ATP13A3: variants seen among roughly 807,000 people sequenced by gnomAD.
The protein encoded by ATP13A3 is ATPase 13A3.
ATP13A3 carries 59 observed loss-of-function variants against 158.1 expected under a neutral mutation model. That is an observed-to-expected ratio of 0.37 (90% confidence interval 0.30 to 0.46). The LOEUF (loss-of-function observed/expected upper bound fraction) is 0.46, where lower values mean the gene tolerates loss of function less well. ATP13A3 is among the 20% of genes least tolerant of loss of function. ATP13A3 has a pLI of 1.00. For missense variants in ATP13A3, 1,166 were observed against 1,525.2 expected, an observed-to-expected ratio of 0.76 and a Z score of 3.92; for synonymous variants, 491 against 504.3, an observed-to-expected ratio of 0.97 and a Z score of 0.35.
intron 8 of ATP13A3, among the ~76,000 whole-genome samples, chr3:194,454,617 A>C (rs528661223): frequency 8.1e-6 from 1 of 123,114 alleles, no homozygotes; most frequent in Non-Finnish European, 1.8e-5. Context: ...TCATGAGGTC[A>C]GGAGATCAAA....
chr3:194,435,236 A>G (rs1269950390), intron 20 of ATP13A3, among the ~76,000 whole-genome samples: 1 of 152,198 alleles, frequency 6.6e-6, no homozygotes, highest in Non-Finnish European at 1.5e-5. Context: ...GAAACCTGAA[A>G]TTGTATTTCA....
rs772110759 is a variant in ATP13A3 at position 194,438,879 on chromosome 3, T to C, written c.1804A>G (p.Thr602Ala). 8 of 1,601,528 alleles carry C rather than the reference T, an allele frequency of 5.0e-6. No homozygotes were observed. The highest frequency in any genetic ancestry group is 2.6e-6 in the Non-Finnish European group (3 of 1,170,790). The part of the protein sequence containing the change: ...RPPKQLLPES[T>A]PAGNQEMELF... Reference sequence around the variant, plus strand: ...ACCATTTCTTGGTTTCCTGCAGGGGTAGATTCAGGAAGCAGTTGTTTGGGA... The same window carrying C: ...ACCATTTCTTGGTTTCCTGCAGGGGCAGATTCAGGAAGCAGTTGTTTGGGA... The change falls in exon 17 of 34, where the codon ACC becomes GCC. Residue 602 changes from threonine (T) to alanine (A), a missense_variant. This residue lies in a region of ATP13A3 where 997 missense variants were observed against 1,341.2 expected (regional missense o/e 0.74). Transcript: ENST00000645319.
In ATP13A3 at chr3:194,431,943, C is replaced by T. The variant is rs1433272903; in HGVS notation, c.2246-51G>A. 8.5e-6 allele frequency: 12 copies of T among 1,410,036 alleles called. No homozygotes were observed. In the South Asian group the frequency reaches 8.9e-5, roughly 10 times the overall value. The allele number at this position is 1,410,036 out of a possible 1,614,324, so 87.3% of individuals were successfully genotyped here. A position where few individuals can be genotyped will look rare whatever the true frequency, so the allele number is the denominator to read the frequency against. On this transcript the variant is annotated intron_variant, in intron 21 of 33. Transcript: ENST00000645319. ...ATTGAAATTAAAATGGAAACGTGAACGTATCAAACATGTACTTGCTGAGAA... is the reference window on the plus strand; with the variant it reads ...ATTGAAATTAAAATGGAAACGTGAATGTATCAAACATGTACTTGCTGAGAA...
chr3:194,456,328 ATTT>A (rs35825895), intron 7 of ATP13A3, among the ~76,000 whole-genome samples: 2 of 149,568 alleles, frequency 1.3e-5, no homozygotes, highest in East Asian at 2.0e-4. Flanking sequence ...GAGGGATCTT[ATTT>A]TTTTTTTAAT....
At chr3:194,463,169 G>A (rs1030804493) in intron 2 of ATP13A3, among the ~76,000 whole-genome samples, 1 of 152,146 alleles carries the variant, frequency 6.6e-6, no homozygotes, top group Non-Finnish European at 1.5e-5. Context: ...TCCTACTGGA[G>A]AGCACTCAGC....
intron 2 of ATP13A3, among the ~76,000 whole-genome samples, chr3:194,470,568 ACT>A (rs1391781331): frequency 2.0e-5 from 3 of 152,098 alleles, no homozygotes; most frequent in Admixed American, 6.6e-5. Context: ...CGTGCATTTT[ACT>A]CTCTCTTTAT....
At chr3:194,469,183 T>A (rs1044281030) in intron 2 of ATP13A3, among the ~76,000 whole-genome samples, 1 of 149,334 alleles carries the variant, frequency 6.7e-6, no homozygotes, top group East Asian at 2.0e-4. Context: ...CACAGCTGGG[T>A]GCAGTGGCTC....
chr3:194,421,552 C>CAAAAA (rs34760027), intron 30 of ATP13A3, among the ~76,000 whole-genome samples: 1 of 71,882 alleles, frequency 1.4e-5, no homozygotes, highest in Non-Finnish European at 3.0e-5. Flanking sequence ...GACTCCATCT[C>CAAAAA]AAAAAAAAAA....
At position 194,429,720 on chromosome 3, in the gene ATP13A3, C is replaced by T. The variant is rs755637920; in HGVS notation, c.2832G>A (p.Leu944=). 11 of 1,613,836 alleles carry T rather than the reference C, an allele frequency of 6.8e-6. No homozygotes were observed. The highest frequency in any genetic ancestry group is 3.4e-6 in the Non-Finnish European group (4 of 1,179,890). The stretch of plus-strand genomic sequence containing the variant: ...CACTGAAGTACTGGATAATGCTGTA[C>T]AATGCCATGAATTTAAACACACAGA... ...TSFCVFKFMA[L]YSIIQYFSVT... is the part of the protein sequence containing the mutation. The change falls in exon 27 of 34, where the codon TTG becomes TTA. Residue 944 remains leucine, a synonymous_variant. Transcript: ENST00000645319.
At chr3:194,424,180 GTA>G (rs1716592691) in intron 30 of ATP13A3, among the ~76,000 whole-genome samples, 1 of 151,586 alleles carries the variant, frequency 6.6e-6, no homozygotes, top group Non-Finnish European at 1.5e-5. Flanking sequence ...ATAGTTATTA[GTA>G]TGGTTATACA....
rs547939144 is a variant in ATP13A3, at chr3:194,458,356, T to A, written c.479+1115A>T. 8.6e-3 allele frequency among the ~76,000 whole-genome samples: 1,282 copies of A among 149,178 alleles called. 22 individuals are homozygous for A. Among genetic ancestry groups the A allele is most frequent in the African/African-American group, 0.028 (1,152 of 40,582 alleles). On this transcript the variant is annotated intron_variant, in intron 6 of 33. Coordinates refer to ENST00000645319, the MANE Select transcript of ATP13A3 (RefSeq NM_001367549.1). ...GTGCCAAGTCAAAAAAAAAAAAAAA[T>A]TTTTTTTTTAAACAAAATGACAGCC...
chr3:194,460,846 C>T lies in ATP13A3; in HGVS notation c.52-15G>A, dbSNP rs113810105. On this transcript the variant is annotated splice_polypyrimidine_tract_variant and intron_variant, in intron 3 of 33. Transcript: ENST00000645319. Reference sequence around the variant, plus strand: ...CCATAAATCTCCTGCATGGACACAGCGATCACATGATTAATTATCAAATGA... The same window carrying T: ...CCATAAATCTCCTGCATGGACACAGTGATCACATGATTAATTATCAAATGA... 21 of 1,600,738 alleles carry T rather than the reference C, an allele frequency of 1.3e-5. No individual in the cohort carries two copies. The highest frequency in any genetic ancestry group is 1.0e-4 in the Admixed American group (6 of 57,944).
chr3:194,454,093 C>T (rs1032477), intron 9 of ATP13A3, among the ~76,000 whole-genome samples, 165 bp downstream of exon 9: 55 of 152,020 alleles, frequency 3.6e-4, no homozygotes, highest in African/African-American at 1.3e-3. Context: ...AACCTCCCAA[C>T]CAGCAAAACA....
At position 194,447,124 on chromosome 3, in the gene ATP13A3, A is replaced by G. The variant is rs1396661524; in HGVS notation, c.1309-9T>C. On this transcript the variant is annotated splice_polypyrimidine_tract_variant and intron_variant, in intron 13 of 33. Transcript: ENST00000645319. ...ATGACCCCAACTTGTACCTACAATT[A>G]ACACAAAAATAAATGTCAAATCCCC... 3.8e-6 allele frequency: 6 copies of G among 1,590,874 alleles called. No individual in the cohort carries two copies. Among genetic ancestry groups the G allele is most frequent in the Non-Finnish European group, 5.1e-6 (6 of 1,170,224 alleles).
rs759614545 is a variant in ATP13A3, at chr3:194,431,735, T to C, written c.2403A>G (p.Pro801=). 13 of 1,588,370 alleles carry C rather than the reference T, an allele frequency of 8.2e-6. No homozygotes were observed. Among genetic ancestry groups the C allele is most frequent in the Non-Finnish European group, 1.1e-5 (13 of 1,169,246 alleles). ...ACCTTACCTCTGGGTCAATTGCTGA[T>C]GGATGACTGCACTGCGTGAGGGAGT... ...YADSLTQCSH[P]SAIDPEAIPV... The change falls in exon 22 of 34, where the codon CCA becomes CCG. Residue 801 remains proline (P), a synonymous_variant. Coordinates refer to ENST00000645319, the MANE Select transcript of ATP13A3 (RefSeq NM_001367549.1).
intron 2 of ATP13A3, among the ~76,000 whole-genome samples, chr3:194,480,393 G>C (rs1298689796): frequency 6.6e-6 from 1 of 151,974 alleles, no homozygotes; most frequent in Non-Finnish European, 1.5e-5. Flanking sequence ...TTCTTACTGT[G>C]CTATCCCCAG....
chr3:194,477,980 A>G (rs1720598844), intron 2 of ATP13A3, among the ~76,000 whole-genome samples: 1 of 152,202 alleles, frequency 6.6e-6, no homozygotes, highest in South Asian at 2.1e-4. Context: ...CATGTTCACC[A>G]ATGAACTTAA....
chr3:194,429,995 ACT>A, intron 26 of ATP13A3, 75 bp downstream of exon 26: 1 of 1,302,114 alleles, frequency 7.7e-7, no homozygotes, highest in Non-Finnish European at 1.1e-6. Context: ...AATTCATGTT[ACT>A]TTTTATGATA....
chr3:194,409,762 A>G (rs1400989406), intron 33 of ATP13A3, among the ~76,000 whole-genome samples: 1 of 129,586 alleles, frequency 7.7e-6, no homozygotes, highest in Non-Finnish European at 1.5e-5. Flanking sequence ...GCCAACTGTG[A>G]CAACCAAAAA....
Sources: allele counts gnomAD v4.1 joint callset (sites outside exome capture counted in the v4.1 genomes callset), GRCh38; gene constraint gnomAD v4.1.1; regional missense constraint gnomAD v4.1.1; transcripts MANE v1.5; gene names NCBI Gene and HGNC (gene_info 2026-07-23, HGNC 2026-07-21).